PLEKHM3: variants seen among roughly 807,000 people sequenced by gnomAD.
PLEKHM3 encodes the protein pleckstrin homology domain-containing family M member 3.
PLEKHM3 carries 45 observed loss-of-function variants against 81.8 expected under a neutral mutation model. The ratio of observed to expected loss-of-function variants is 0.55; its 90% confidence interval spans 0.43 to 0.71. The LOEUF is 0.71. PLEKHM3 is among the 30% of genes least tolerant of loss of function. PLEKHM3 has a pLI of 0.00. For missense variants in PLEKHM3, 788 were observed against 924.3 expected (o/e 0.85, Z 1.91); for synonymous variants, 352 against 356.4 (o/e 0.99, Z 0.14).
chr2:207,830,925 G>A (rs114593672), intron 7 of PLEKHM3, among the ~76,000 whole-genome samples: 1,672 of 152,286 alleles, frequency 0.011, 13 homozygotes, highest in African/African-American at 0.024. Flanking sequence ...GTGGTCTTCC[G>A]TGTGACAGTC....
chr2:207,832,079 GT>G (rs1478271745), intron 7 of PLEKHM3, among the ~76,000 whole-genome samples: 10 of 152,268 alleles, frequency 6.6e-5, no homozygotes, highest in African/African-American at 2.4e-4. Flanking sequence ...GATATTTCTG[GT>G]GCAGCAAACA....
chr2:207,859,717 C>T (rs1185127335), intron 7 of PLEKHM3, among the ~76,000 whole-genome samples: 1 of 151,914 alleles, frequency 6.6e-6, no homozygotes, highest in East Asian at 1.9e-4. Context: ...CCTGCCTCAA[C>T]CTCCTGAGTA....
intron 3 of PLEKHM3, among the ~76,000 whole-genome samples, chr2:207,960,454 T>C (rs1690690740): frequency 1.3e-5 from 2 of 152,242 alleles, no homozygotes; most frequent in Non-Finnish European, 2.9e-5. Context: ...ACTCCAGCTG[T>C]GGCCAGGTGA....
At chr2:207,946,661 C>T in intron 3 of PLEKHM3, 149 bp from the exon 4 acceptor site, 4 of 1,084,012 alleles carry the variant, frequency 3.7e-6, no homozygotes, top group Non-Finnish European at 1.3e-6. Flanking sequence ...TAGAGTTGTA[C>T]AGTTGTGTCC....
chr2:207,978,170 ACGGAGCG>A (rs1691385286), intron 2 of PLEKHM3, among the ~76,000 whole-genome samples: 2 of 123,592 alleles, frequency 1.6e-5, no homozygotes. Context: ...TGCAACATCA[ACGGAGCG>A]TGCAACATCA....
chr2:207,921,561 T>C (rs1689184362), intron 5 of PLEKHM3, among the ~76,000 whole-genome samples: 1 of 152,230 alleles, frequency 6.6e-6, no homozygotes, highest in Non-Finnish European at 1.5e-5. Context: ...TACAACAAAT[T>C]ATTATTAACT....
chr2:207,908,546 T>G lies in PLEKHM3; in HGVS notation c.1918A>C (p.Ile640Leu), dbSNP rs902325493. The change falls in exon 6 of 8, where the codon ATC becomes CTC. Residue 640 changes from isoleucine (I) to leucine (L), a missense_variant. By Grantham distance (5) the Ile-to-Leu change is conservative (BLOSUM62 2). Transcript: ENST00000427836. ...IFPREYLLQQ[I>L]HLYSLADLQQ... is the part of the protein sequence containing the mutation. ...AGGTCGGCAAGTGAATACAGGTGGA[T>G]CTGTTGAAGGAGGTATTCTCTGGGG... 3.7e-6 allele frequency: 6 copies of G among 1,613,168 alleles called. No homozygotes were observed. The highest frequency in any genetic ancestry group is 2.2e-5 in the East Asian group (1 of 44,824).
chr2:207,855,025 G>A (rs571722740), intron 7 of PLEKHM3, among the ~76,000 whole-genome samples: 6 of 152,142 alleles, frequency 3.9e-5, no homozygotes, highest in Non-Finnish European at 7.4e-5. Flanking sequence ...CAAGGCACAA[G>A]TCCAGGAACG....
intron 6 of PLEKHM3, among the ~76,000 whole-genome samples, chr2:207,865,781 C>CCAAAAAAAAAA (rs2092492772): frequency 2.6e-4 from 1 of 3,792 alleles, no homozygotes; most frequent in African/African-American, 7.2e-4. Context: ...AACTCCGACT[C>CCAAAAAAAAAA]AAAAAAAAAA....
intron 6 of PLEKHM3, among the ~76,000 whole-genome samples, chr2:207,872,568 TG>T (rs1228419668): frequency 6.6e-6 from 1 of 152,192 alleles, no homozygotes; most frequent in African/African-American, 2.4e-5. Flanking sequence ...CCGGGCGCAG[TG>T]GCTCATGCCT....
chr2:207,906,140 A>T (rs1182001382), intron 6 of PLEKHM3, among the ~76,000 whole-genome samples: 2 of 152,316 alleles, frequency 1.3e-5, no homozygotes, highest in African/African-American at 4.8e-5. Flanking sequence ...TGTACTTTAA[A>T]CCATCTTTAC....
Position 208,001,413 on chromosome 2 carries a change from C to A in PLEKHM3, c.227G>T (p.Cys76Phe), listed in dbSNP as rs751298639. The A allele has an allele frequency of 3.1e-6, 5 of 1,614,082 alleles. No homozygotes were observed. Among genetic ancestry groups the A allele is most frequent in the Middle Eastern group, 1.6e-4 (1 of 6,084 alleles). The change falls in exon 2 of 8, where the codon TGT becomes TTT. Residue 76 changes from cysteine (C) to phenylalanine (F), a missense_variant. By Grantham distance (205) the Cys-to-Phe change is radical (BLOSUM62 -2). Coordinates refer to ENST00000427836, the MANE Select transcript of PLEKHM3 (RefSeq NM_001080475.3). ...TTTGGTTTCTAAGAGCCTGCTCTTA[C>A]AGTGGTCCCAAATCATGCCCCCCTT... ...LGKGGMIWDHCKSRLLETKAQ... is the reference protein window; with the variant it reads ...LGKGGMIWDHFKSRLLETKAQ...
In PLEKHM3 at chr2:207,889,954, C is replaced by T. The variant is rs1688005130; in HGVS notation, c.1950+18560G>A. Among the ~76,000 whole-genome samples, 3 of 152,088 alleles carry T rather than the reference C, an allele frequency of 2.0e-5. No homozygotes were observed. In the South Asian group the frequency reaches 6.2e-4, roughly 32 times the overall value. On this transcript the variant is annotated intron_variant, in intron 6 of 7. Transcript: ENST00000427836. ...AAGTAGCTGGGACTACAGTGGCCTA[C>T]CACCACACCTGGCTAATTTTTTGTA...
intron 3 of PLEKHM3, among the ~76,000 whole-genome samples, chr2:207,955,325 C>G (rs2105985706): frequency 6.6e-6 from 1 of 151,898 alleles, no homozygotes; most frequent in South Asian, 2.1e-4. Flanking sequence ...CTGTTTTTTT[C>G]CTAACAGTCT....
chr2:207,885,873 A>G (rs1000311713), intron 6 of PLEKHM3, among the ~76,000 whole-genome samples: 4 of 152,246 alleles, frequency 2.6e-5, no homozygotes, highest in Non-Finnish European at 4.4e-5. Flanking sequence ...TTCCCTGAAG[A>G]AAATGCTTGA....
intron 4 of PLEKHM3, among the ~76,000 whole-genome samples, chr2:207,939,931 C>T (rs369243246): frequency 4.6e-5 from 7 of 152,254 alleles, no homozygotes; most frequent in South Asian, 2.1e-4. Context: ...GTGTGGCAGA[C>T]GGAGGAGTCC....
chr2:207,918,871 G>A (rs964102752), intron 5 of PLEKHM3, among the ~76,000 whole-genome samples: 3 of 152,206 alleles, frequency 2.0e-5, no homozygotes, highest in Non-Finnish European at 4.4e-5. Flanking sequence ...GCCAGTGCAT[G>A]TGGCTGCATA....
intron 6 of PLEKHM3, among the ~76,000 whole-genome samples, chr2:207,875,103 T>C (rs1419804080): frequency 2.0e-5 from 3 of 151,924 alleles, no homozygotes; most frequent in Non-Finnish European, 4.4e-5. Context: ...ATTAGTTCAA[T>C]ATAAAATATC....
Position 207,889,434 on chromosome 2 carries a change from A to AACACACACACACAC in PLEKHM3, c.1950+19066_1950+19079dup, listed in dbSNP as rs35082335. 6.4e-3 allele frequency among the ~76,000 whole-genome samples: 826 copies of AACACACACACACAC among 129,224 alleles called. 16 individuals carry two copies. The highest frequency in any genetic ancestry group is 0.017 in the East Asian group (60 of 3,596). The allele number at this position is 129,224 out of a possible 152,430, so 84.8% of individuals were successfully genotyped here. A position where few individuals can be genotyped will look rare whatever the true frequency, so the allele number is the denominator to read the frequency against. On this transcript the variant is annotated intron_variant, in intron 6 of 7. Transcript: ENST00000427836. ...TAAGAGCAGACAGGAGGTTTTTTTC[A>AACACACACACACAC]ACACACACACACACACACACACACA... is the stretch of plus-strand genomic sequence containing the variant.
Sources: gnomAD v4.1 joint callset for allele counts (sites outside exome capture counted in the v4.1 genomes callset) on GRCh38, gnomAD v4.1.1 for gene constraint, MANE v1.5 for transcripts, NCBI Gene and HGNC (gene_info 2026-07-23, HGNC 2026-07-21) for gene names.